The following SEZ6 variants were observed in gnomAD, a reference collection of about 807,000 sequenced individuals.
The protein encoded by SEZ6 is seizure related 6 homolog.
Under a neutral mutation model 101.0 loss-of-function variants are expected in SEZ6, and 53 were observed. That is an observed-to-expected ratio of 0.52 (90% CI 0.42 to 0.66). SEZ6 has a LOEUF of 0.66. Among genes scored for constraint, SEZ6 ranks in the 30% least tolerant of loss-of-function variants. The pLI is 0.00. For missense variants in SEZ6, 1,102 were observed against 1,289.4 expected, an observed-to-expected ratio of 0.85 and a Z score of 2.23; for synonymous variants, 488 against 512.2, an observed-to-expected ratio of 0.95 and a Z score of 0.64.
intron 4 of SEZ6, among the ~76,000 whole-genome samples, chr17:28,968,759 G>T (rs906074906): frequency 6.6e-6 from 1 of 152,222 alleles, no homozygotes. Context: ...CTGCAGGACT[G>T]CGGAAGTGGT....
Position 28,960,660 on chromosome 17 carries a change from C to G in SEZ6, c.1421G>C (p.Arg474Pro). 1 of 1,606,074 alleles carries G rather than the reference C, an allele frequency of 6.2e-7. No homozygotes were observed. Among genetic ancestry groups the G allele is most frequent in the Non-Finnish European group, 8.5e-7 (1 of 1,176,288 alleles). ...TGGGGCCTCCACGTTGTCCCCATTG[C>G]GAATGATGAGCCTGAACCAGGAGAG... ...LAEDDDRLIIRNGDNVEAPPV... is the reference protein window; with the variant it reads ...LAEDDDRLIIPNGDNVEAPPV... Residue 474 changes from arginine (R) to proline (P), a missense_variant, in exon 7 of 17, where the codon CGC (arginine) becomes CCC (proline). Transcript: ENST00000317338.
intron 1 of SEZ6, among the ~76,000 whole-genome samples, chr17:29,000,731 G>A (rs769930680): frequency 6.6e-6 from 1 of 152,140 alleles, no homozygotes; most frequent in Non-Finnish European, 1.5e-5. Flanking sequence ...AGATGACATG[G>A]ATTCATCCTT....
chr17:28,992,854 G>A (rs1446852481), intron 1 of SEZ6, among the ~76,000 whole-genome samples: 1 of 152,168 alleles, frequency 6.6e-6, no homozygotes, highest in Admixed American at 6.5e-5. Context: ...AGAGCTGGGG[G>A]CTGGAGAGGT....
At position 29,001,873 on chromosome 17, in the gene SEZ6, C is replaced by T. The variant is rs540901892; in HGVS notation, c.55+3942G>A. On this transcript the variant is annotated intron_variant, in intron 1 of 16. Transcript: ENST00000317338. ...TGAGAATAGGCCAGTAAGCTGGGGA[C>T]CCAGAAATCTGCATGACTTGACAAG... 3.4e-3 allele frequency among the ~76,000 whole-genome samples: 518 copies of T among 152,214 alleles called. 2 individuals are homozygous for T. Among genetic ancestry groups the T allele is most frequent in the African/African-American group, 0.012 (485 of 41,530 alleles).
chr17:28,999,067 T>G (rs1202909622), intron 1 of SEZ6, among the ~76,000 whole-genome samples: 2 of 152,168 alleles, frequency 1.3e-5, no homozygotes, highest in Non-Finnish European at 2.9e-5. Flanking sequence ...AAGCACCTGG[T>G]AGCTGTTGAA....
chr17:29,003,285 C>G (rs907078213), intron 1 of SEZ6, among the ~76,000 whole-genome samples: 14 of 152,206 alleles, frequency 9.2e-5, no homozygotes, highest in Non-Finnish European at 1.8e-4. Context: ...TGGGAAGATA[C>G]CCCGTGGCCC....
chr17:28,977,832 A>T (rs570011500), intron 3 of SEZ6, among the ~76,000 whole-genome samples: 5 of 152,208 alleles, frequency 3.3e-5, no homozygotes, highest in African/African-American at 1.2e-4. Flanking sequence ...AGCCGGTGCC[A>T]CCTCTCATTA....
At position 28,956,459 on chromosome 17, in the gene SEZ6, C is replaced by T. The variant is rs368309828; in HGVS notation, c.2740G>A (p.Ala914Thr). The T allele has an allele frequency of 4.5e-6, 7 of 1,553,984 alleles. No homozygotes were observed. In the East Asian group the frequency reaches 1.7e-4, roughly 38 times the overall value. Residue 914 changes from alanine to threonine, a missense_variant, in exon 15 of 17, where the codon GCA becomes ACA. This residue lies in a region of SEZ6 where 140 missense variants were observed against 135.7 expected (regional missense o/e 1.03). Transcript: ENST00000317338. ...YNSRSLDVAKAPAASSTLDAA... is the reference protein window; with the variant it reads ...YNSRSLDVAKTPAASSTLDAA... ...TCCAGGGTGCTGGAGGCAGCAGGTG[C>T]CTTGGCAACTGAAGACACAGAGGGT...
At chr17:28,962,901 G>A (rs1274015408) in intron 5 of SEZ6, among the ~76,000 whole-genome samples, 2 of 151,800 alleles carry the variant, frequency 1.3e-5, no homozygotes, top group African/African-American at 4.8e-5. Context: ...GAGGTGGGTG[G>A]ATCACGAGGT....
chr17:29,003,172 A>G (rs867913151), intron 1 of SEZ6, among the ~76,000 whole-genome samples: 1 of 152,236 alleles, frequency 6.6e-6, no homozygotes, highest in Non-Finnish European at 1.5e-5. Context: ...GTAATTGCTC[A>G]TTAAAAATCA....
At chr17:28,978,896 G>A (rs1245475981) in intron 3 of SEZ6, among the ~76,000 whole-genome samples, 1 of 151,844 alleles carries the variant, frequency 6.6e-6, no homozygotes, top group Non-Finnish European at 1.5e-5. Flanking sequence ...TTAGAGGGGA[G>A]TATCATGGTG....
intron 1 of SEZ6, among the ~76,000 whole-genome samples, chr17:28,988,508 G>A (rs1041227550): frequency 6.6e-6 from 1 of 152,210 alleles, no homozygotes; most frequent in Non-Finnish European, 1.5e-5. Flanking sequence ...GGTCCTGCCA[G>A]GAGAAGATGG....
At chr17:28,965,670 T>G (rs2041054571) in intron 4 of SEZ6, among the ~76,000 whole-genome samples, 2 of 151,858 alleles carry the variant, frequency 1.3e-5, no homozygotes, top group Admixed American at 1.3e-4. Context: ...AAGAAAAAGA[T>G]GGGGACGAGG....
intron 3 of SEZ6, among the ~76,000 whole-genome samples, chr17:28,970,765 C>T (rs568459624): frequency 1.9e-4 from 29 of 152,332 alleles, no homozygotes; most frequent in Non-Finnish European, 3.1e-4. Flanking sequence ...CATGGTGCTT[C>T]CTTGTTTAAG....
intron 3 of SEZ6, among the ~76,000 whole-genome samples, chr17:28,971,967 A>G (rs1598191395): frequency 6.6e-6 from 1 of 152,216 alleles, no homozygotes; most frequent in South Asian, 2.1e-4. Context: ...ACAAGCTCCA[A>G]ACTGCCCAGC....
chr17:28,963,448 C>T (rs142786508), intron 5 of SEZ6, among the ~76,000 whole-genome samples: 1 of 152,280 alleles, frequency 6.6e-6, no homozygotes, highest in Non-Finnish European at 1.5e-5. Context: ...ACTCAAGGCC[C>T]TTCCATTGCC....
intron 2 of SEZ6, among the ~76,000 whole-genome samples, chr17:28,980,664 G>T (rs111258307): frequency 3.3e-5 from 5 of 150,722 alleles, no homozygotes; most frequent in African/African-American, 1.2e-4. Flanking sequence ...CACCGCGCCC[G>T]GCCAATTTTT....
intron 1 of SEZ6, among the ~76,000 whole-genome samples, chr17:28,988,697 T>C (rs1252744257): frequency 6.6e-6 from 1 of 152,196 alleles, no homozygotes; most frequent in Non-Finnish European, 1.5e-5. Flanking sequence ...TGCAGTCCAG[T>C]CAAATTTGGA....
intron 3 of SEZ6, among the ~76,000 whole-genome samples, chr17:28,971,508 G>A (rs1287520957): frequency 1.3e-5 from 2 of 151,918 alleles, no homozygotes; most frequent in Non-Finnish European, 2.9e-5. Flanking sequence ...CAGGAGAATC[G>A]CTTGAACCTG....
Sources: allele counts gnomAD v4.1 joint callset (sites outside exome capture counted in the v4.1 genomes callset), GRCh38; gene constraint gnomAD v4.1.1; regional missense constraint gnomAD v4.1.1; transcripts MANE v1.5; gene names NCBI Gene and HGNC (gene_info 2026-07-23, HGNC 2026-07-21).